Variants in FHIT observed in about 807,000 individuals in gnomAD.
FHIT encodes the protein bis(5'-adenosyl)-triphosphatase.
FHIT carries 19 observed loss-of-function variants against 17.9 expected under a neutral mutation model. The observed-to-expected ratio is 1.06, with a 90% CI of 0.74 to 1.56. The LOEUF (loss-of-function observed/expected upper bound fraction) is 1.56. FHIT is among the 40% of genes most tolerant of loss of function. The pLI is 0.00. For missense variants in FHIT, 248 were observed against 189.2 expected, an observed-to-expected ratio of 1.31 and a Z score of -1.82; for synonymous variants, 81 against 69.7, an observed-to-expected ratio of 1.16 and a Z score of -0.81.
chr3:60,547,871 C>G (rs943873572), intron 4 of FHIT, among the ~76,000 whole-genome samples: 1 of 152,162 alleles, frequency 6.6e-6, no homozygotes, highest in Non-Finnish European at 1.5e-5. Flanking sequence ...AAAGCAAATG[C>G]AGGCCCCAAA....
chr3:60,685,723 A>T (rs534412945), intron 4 of FHIT, among the ~76,000 whole-genome samples: 33 of 152,276 alleles, frequency 2.2e-4, no homozygotes, highest in African/African-American at 7.7e-4. Context: ...ATTTACATAC[A>T]ATATGGAAAC....
intron 3 of FHIT, among the ~76,000 whole-genome samples, chr3:60,921,499 CT>C (rs1204098186): frequency 2.0e-5 from 3 of 152,110 alleles, no homozygotes; most frequent in Non-Finnish European, 4.4e-5. Flanking sequence ...AATAGACAGC[CT>C]TTGAAAGCTT....
rs538673035 is a variant in FHIT at position 60,626,285 on chromosome 3, G to T, written c.-17-89306C>A. Among the ~76,000 whole-genome samples, 143 of 152,256 alleles carry T rather than the reference G, an allele frequency of 9.4e-4. 1 individual carries two copies. The highest frequency in any genetic ancestry group is 3.2e-3 in the African/African-American group (135 of 41,540). On this transcript the variant is annotated intron_variant, in intron 4 of 9. Transcript: ENST00000492590. ...ATCTGCTGAGATTTTGATAGGAGTT[G>T]CATTGAATCTTTATGGCACTCAACA...
intron 8 of FHIT, among the ~76,000 whole-genome samples, chr3:59,778,054 T>C (rs1357619888): frequency 2.0e-5 from 3 of 152,336 alleles, no homozygotes; most frequent in African/African-American, 4.8e-5. Flanking sequence ...GTGTGTTTAA[T>C]TGGTTTTTTC....
At chr3:60,285,992 C>T (rs906016911) in intron 5 of FHIT, among the ~76,000 whole-genome samples, 5 of 152,130 alleles carry the variant, frequency 3.3e-5, no homozygotes, top group African/African-American at 1.2e-4. Context: ...CTGTTGGATT[C>T]CAAAGAAAAG....
chr3:61,067,097 T>A (rs531140740), intron 2 of FHIT, among the ~76,000 whole-genome samples: 7 of 152,202 alleles, frequency 4.6e-5, no homozygotes, highest in Non-Finnish European at 1.0e-4. Context: ...TTGAGGACCC[T>A]GGCAGCACAT....
intron 2 of FHIT, among the ~76,000 whole-genome samples, chr3:61,052,980 A>C (rs1179800463): frequency 6.6e-6 from 1 of 152,222 alleles, no homozygotes; most frequent in African/African-American, 2.4e-5. Context: ...TGTATGATAC[A>C]ACTGCTGTGG....
intron 5 of FHIT, among the ~76,000 whole-genome samples, chr3:60,423,160 A>G (rs1702538882): frequency 6.6e-6 from 1 of 152,142 alleles, no homozygotes; most frequent in African/African-American, 2.4e-5. Context: ...ATTAAGCACT[A>G]TAGATGGTAG....
rs556288209 is a variant in FHIT, at chr3:59,937,224, A to G, written c.280-14810T>C. On this transcript the variant is annotated intron_variant, in intron 7 of 9. Transcript: ENST00000492590. Reference sequence around the variant, plus strand: ...TTCTAAAAAGCAGGTGCTTTTAAAAATAACTAAAACATGATGACATATTTC... The same window carrying G: ...TTCTAAAAAGCAGGTGCTTTTAAAAGTAACTAAAACATGATGACATATTTC... Among the ~76,000 whole-genome samples the G allele has an allele frequency of 2.2e-4, 33 of 152,332 alleles. No homozygotes were observed. The Middle Eastern group carries it at 0.01, about 47-fold the overall frequency.
At chr3:60,343,911 T>C (rs985957427) in intron 5 of FHIT, among the ~76,000 whole-genome samples, 3 of 152,208 alleles carry the variant, frequency 2.0e-5, no homozygotes, top group African/African-American at 4.8e-5. Flanking sequence ...GTAAAAATCA[T>C]GTATCACTTT....
chr3:60,563,623 T>G (rs557016096), intron 4 of FHIT, among the ~76,000 whole-genome samples: 2 of 152,252 alleles, frequency 1.3e-5, no homozygotes, highest in East Asian at 3.9e-4. Flanking sequence ...AGTAAGAAAG[T>G]AAAACACTTA....
At chr3:60,034,432 T>C (rs1437264783) in intron 5 of FHIT, among the ~76,000 whole-genome samples, 2 of 152,200 alleles carry the variant, frequency 1.3e-5, no homozygotes, top group Admixed American at 6.5e-5. Context: ...GAAGATGATA[T>C]GATCAAGAAA....
intron 5 of FHIT, among the ~76,000 whole-genome samples, chr3:60,441,794 A>ATGTGTGTGTG (rs369962868): frequency 0.39 from 16,959 of 43,862 alleles, 5,406 homozygotes; most frequent in Middle Eastern, 0.57. Context: ...ATATATATAT[A>ATGTGTGTGTG]TATATATATA....
At chr3:60,158,070 G>C (rs1700780164) in intron 5 of FHIT, among the ~76,000 whole-genome samples, 1 of 152,138 alleles carries the variant, frequency 6.6e-6, no homozygotes, top group Non-Finnish European at 1.5e-5. Flanking sequence ...GCTCATCTTT[G>C]AATCTTTGGC....
chr3:60,360,666 C>G (rs1699870530), intron 5 of FHIT, among the ~76,000 whole-genome samples: 1 of 152,090 alleles, frequency 6.6e-6, no homozygotes, highest in Non-Finnish European at 1.5e-5. Flanking sequence ...TTTTCTCTTC[C>G]CTTCACCAAG....
At chr3:60,827,381 C>A (rs1040125934) in intron 3 of FHIT, among the ~76,000 whole-genome samples, 1 of 152,174 alleles carries the variant, frequency 6.6e-6, no homozygotes, top group Non-Finnish European at 1.5e-5. Flanking sequence ...ATCACAGTTA[C>A]AATAGTTGCA....
chr3:60,182,686 G>A (rs914254724), intron 5 of FHIT, among the ~76,000 whole-genome samples: 5 of 152,044 alleles, frequency 3.3e-5, no homozygotes, highest in Admixed American at 3.3e-4. Flanking sequence ...GGGAGGCTGA[G>A]GTAGGAGGAT....
chr3:60,503,748 T>C (rs961512887), intron 5 of FHIT, among the ~76,000 whole-genome samples: 1 of 152,196 alleles, frequency 6.6e-6, no homozygotes, highest in African/African-American at 2.4e-5. Flanking sequence ...AGGGATATCA[T>C]ACTATATGTA....
At chr3:60,151,188 A>G (rs758999214) in intron 5 of FHIT, among the ~76,000 whole-genome samples, 1 of 152,190 alleles carries the variant, frequency 6.6e-6, no homozygotes, top group Non-Finnish European at 1.5e-5. Context: ...CCATTTAGTC[A>G]GATTTAAGAA....
Sources: gnomAD v4.1 joint callset for allele counts (sites outside exome capture counted in the v4.1 genomes callset) on GRCh38, gnomAD v4.1.1 for gene constraint, MANE v1.5 for transcripts, NCBI Gene and HGNC (gene_info 2026-07-23, HGNC 2026-07-21) for gene names.